HMGXB4: variants seen among roughly 807,000 people sequenced by gnomAD.
HMGXB4 encodes HMG domain-containing protein 4.
In HMGXB4, 27 loss-of-function variants were observed where a neutral mutation model predicts 63.9. That is an observed-to-expected ratio of 0.42 (90% CI 0.31 to 0.58). HMGXB4 has a LOEUF of 0.58. Ranked by LOEUF, HMGXB4 falls within the 20% of genes least tolerant of loss-of-function variation. The pLI is 0.13. For synonymous variants in HMGXB4, 264 were observed against 265.3 expected (o/e 0.99, Z 0.05); for missense variants, 624 against 700.7 (o/e 0.89, Z 1.24).
upstream of HMGXB4, among the ~76,000 whole-genome samples, chr22:35,254,510 GT>G (rs577401529): frequency 2.0e-5 from 3 of 152,322 alleles, no homozygotes; most frequent in Admixed American, 2.0e-4. Flanking sequence ...CCTGATTACT[GT>G]TTTAAAGAAC....
intron 5 of HMGXB4, among the ~76,000 whole-genome samples, chr22:35,267,480 G>C (rs1417255123): frequency 6.6e-6 from 1 of 152,164 alleles, no homozygotes; most frequent in African/African-American, 2.4e-5. Context: ...GGAAGTGGAC[G>C]CATGGAGGCA....
chr22:35,278,711 C>A lies in HMGXB4; in HGVS notation c.1216-5251C>A, dbSNP rs528063305. Among the ~76,000 whole-genome samples, 10 of 151,286 alleles carry A rather than the reference C, an allele frequency of 6.6e-5. No individual in the cohort carries two copies. In the East Asian group the frequency reaches 1.8e-3, roughly 27 times the overall value. On this transcript the variant is annotated intron_variant, in intron 5 of 10. Coordinates refer to ENST00000216106, the MANE Select transcript of HMGXB4 (RefSeq NM_001003681.3). The stretch of plus-strand genomic sequence containing the variant: ...TCACCCAGGCTGGAGTGCAGAGGTG[C>A]AATCCTAGCTCACTACAGCCTCAAA...
At chr22:35,288,097 A>G (rs563396380) in intron 8 of HMGXB4, 141 bp from the exon 9 acceptor site, 35 of 546,170 alleles carry the variant, frequency 6.4e-5, no homozygotes, top group Non-Finnish European at 1.0e-4. Context: ...ACAAGAGACC[A>G]TAGACTGAAT....
chr22:35,292,647 T>C (rs1925000024), intron 9 of HMGXB4, among the ~76,000 whole-genome samples: 1 of 152,214 alleles, frequency 6.6e-6, no homozygotes, highest in South Asian at 2.1e-4. Flanking sequence ...ATAACAGATA[T>C]ACTTTGCATA....
chr22:35,265,644 C>T (rs776506029), intron 5 of HMGXB4, 41 bp downstream of exon 5: 57 of 1,478,732 alleles, frequency 3.9e-5, no homozygotes, highest in Non-Finnish European at 4.7e-5. Context: ...AGAGATTAAG[C>T]AGGTTCTTCC....
At chr22:35,245,716 G>T in the HMGXB4 span, among the ~76,000 whole-genome samples, 1 of 152,156 alleles carries the variant, frequency 6.6e-6, no homozygotes, top group Non-Finnish European at 1.5e-5. Flanking sequence ...GCAAAGAGGG[G>T]TTTGCCGCCT....
In HMGXB4 at chr22:35,286,029, G is replaced by T; in HGVS notation, c.1330G>T (p.Val444Leu). Reference sequence around the variant, plus strand: ...GGAACTTAGTAAAAAACTGGCTGAGGTGTGGAAGCAATTACCAGAAAAAGA... The same window carrying T: ...GGAACTTAGTAAAAAACTGGCTGAGTTGTGGAAGCAATTACCAGAAAAAGA... ...FGELSKKLAE[V>L]WKQLPEKDKL... The change falls in exon 7 of 11, where the codon GTG (valine) becomes TTG (leucine). Residue 444 changes from valine to leucine, a missense_variant. Coordinates refer to ENST00000216106, the MANE Select transcript of HMGXB4 (RefSeq NM_001003681.3). 4 of 1,610,482 alleles carry T rather than the reference G, an allele frequency of 2.5e-6. No individual in the cohort carries two copies. The highest frequency in any genetic ancestry group is 1.9e-4 in the Middle Eastern group (1 of 5,344).
intron 5 of HMGXB4, among the ~76,000 whole-genome samples, chr22:35,267,084 G>C (rs1232802146): frequency 1.3e-5 from 2 of 148,454 alleles, no homozygotes; most frequent in South Asian, 2.1e-4. Context: ...AAGAAAGTCT[G>C]CTTATATCTA....
chr22:35,268,855 T>C (rs1003467162), intron 5 of HMGXB4, among the ~76,000 whole-genome samples: 9 of 152,228 alleles, frequency 5.9e-5, no homozygotes, highest in African/African-American at 1.7e-4. Flanking sequence ...GCTCATTTTT[T>C]ACAGTGACCT....
At chr22:35,266,918 A>T (rs1027816261) in intron 5 of HMGXB4, among the ~76,000 whole-genome samples, 11 of 152,160 alleles carry the variant, frequency 7.2e-5, no homozygotes, top group Non-Finnish European at 1.5e-4. Context: ...CAAGAGGTGG[A>T]GGCTACAGTG....
At chr22:35,268,913 A>T (rs1244176324) in intron 5 of HMGXB4, among the ~76,000 whole-genome samples, 1 of 152,154 alleles carries the variant, frequency 6.6e-6, no homozygotes, top group Non-Finnish European at 1.5e-5. Context: ...AGACCTAATC[A>T]AATGCCACCT....
intron 5 of HMGXB4, 51 bp downstream of exon 5, chr22:35,265,654 C>T: frequency 6.8e-7 from 1 of 1,465,352 alleles, no homozygotes; most frequent in Non-Finnish European, 9.0e-7. Context: ...CAGGTTCTTC[C>T]TGGGTAGTCA....
At chr22:35,263,409 G>C (rs1016702784) in intron 3 of HMGXB4, among the ~76,000 whole-genome samples, 183 bp downstream of exon 3, 1 of 150,656 alleles carries the variant, frequency 6.6e-6, no homozygotes, top group East Asian at 2.0e-4. Context: ...TCAGCCTCCC[G>C]AGTAGCTGGA....
the HMGXB4 span, among the ~76,000 whole-genome samples, chr22:35,241,849 G>C: frequency 6.6e-6 from 1 of 152,204 alleles, no homozygotes; most frequent in African/African-American, 2.4e-5. Flanking sequence ...TTGCTGGTTT[G>C]TTCTTGCAGT....
chr22:35,279,867 T>C (rs1447319699), intron 5 of HMGXB4, among the ~76,000 whole-genome samples: 1 of 152,180 alleles, frequency 6.6e-6, no homozygotes, highest in Non-Finnish European at 1.5e-5. Context: ...CTTTCGCTAA[T>C]GCCACACTGT....
chr22:35,291,210 C>T (rs888257197), intron 9 of HMGXB4, among the ~76,000 whole-genome samples: 2 of 151,708 alleles, frequency 1.3e-5, no homozygotes, highest in African/African-American at 4.8e-5. Flanking sequence ...TGCAGTGAGC[C>T]GAGATCACAC....
At chr22:35,251,370 C>T in the HMGXB4 span, among the ~76,000 whole-genome samples, 2 of 152,158 alleles carry the variant, frequency 1.3e-5, no homozygotes, top group Non-Finnish European at 2.9e-5. Context: ...CCACCGCGCC[C>T]GGCCTACAAC....
chr22:35,251,067 ACTTT>A, the HMGXB4 span, among the ~76,000 whole-genome samples: 1 of 136,010 alleles, frequency 7.4e-6, no homozygotes, highest in Non-Finnish European at 1.6e-5. Context: ...AATGCCTATA[ACTTT>A]CTTTCTGTTT....
chr22:35,243,768 T>C, the HMGXB4 span, among the ~76,000 whole-genome samples: 2 of 152,198 alleles, frequency 1.3e-5, no homozygotes, highest in African/African-American at 4.8e-5. Context: ...GGTCTCAAAG[T>C]CCTGGCCTCA....
Sources: gnomAD v4.1 joint callset for allele counts (sites outside exome capture counted in the v4.1 genomes callset) on GRCh38, gnomAD v4.1.1 for gene constraint, MANE v1.5 for transcripts, NCBI Gene and HGNC (gene_info 2026-07-23, HGNC 2026-07-21) for gene names.